The following CFAP20DC variants were observed in gnomAD, a reference collection of about 807,000 sequenced individuals.
CFAP20DC encodes CFAP20 domain containing.
A neutral mutation model predicts 101.7 loss-of-function variants in CFAP20DC; 84 were observed. That is an observed-to-expected ratio of 0.83 (90% CI 0.69 to 0.99). The LOEUF is 0.99. CFAP20DC is among the 50% of genes least tolerant of loss of function. The pLI, the probability that CFAP20DC is intolerant of heterozygous loss-of-function variation, is 0.00. For synonymous variants in CFAP20DC, 359 were observed against 351.2 expected, an observed-to-expected ratio of 1.02 and a Z score of -0.25; for missense variants, 1,007 against 970.3, an observed-to-expected ratio of 1.04 and a Z score of -0.50.
chr3:58,843,850 G>A (rs1235086453), intron 13 of CFAP20DC, among the ~76,000 whole-genome samples: 4 of 137,582 alleles, frequency 2.9e-5, no homozygotes, highest in East Asian at 2.1e-4. Flanking sequence ...GAGAGTGGGG[G>A]CCAATATTCA....
At chr3:58,758,926 C>A (rs1575566931) in intron 15 of CFAP20DC, among the ~76,000 whole-genome samples, 2 of 152,200 alleles carry the variant, frequency 1.3e-5, no homozygotes, top group South Asian at 2.1e-4. Flanking sequence ...TTTTCTTAAT[C>A]CAGTCTATCA....
chr3:58,842,305 C>T (rs887278034), intron 13 of CFAP20DC, among the ~76,000 whole-genome samples: 11 of 152,256 alleles, frequency 7.2e-5, no homozygotes, highest in African/African-American at 9.6e-5. Context: ...CCAGTGGGTG[C>T]GCGCACCGTG....
At chr3:58,968,888 G>A (rs2091768480) in intron 4 of CFAP20DC, among the ~76,000 whole-genome samples, 1 of 152,156 alleles carries the variant, frequency 6.6e-6, no homozygotes, top group Non-Finnish European at 1.5e-5. Flanking sequence ...TTCTGTATAT[G>A]GTGTAAGGAA....
chr3:58,835,734 A>C (rs985149606), intron 13 of CFAP20DC, among the ~76,000 whole-genome samples: 2 of 152,216 alleles, frequency 1.3e-5, no homozygotes, highest in African/African-American at 4.8e-5. Context: ...TAGTCCTGCG[A>C]AATGTTTTTG....
chr3:58,966,756 C>T (rs2091574149), intron 4 of CFAP20DC, among the ~76,000 whole-genome samples: 2 of 151,852 alleles, frequency 1.3e-5, no homozygotes, highest in Admixed American at 1.3e-4. Flanking sequence ...AACTTCTGAC[C>T]TCAGGTGATC....
In CFAP20DC at chr3:59,038,720, T is replaced by A. The variant is rs542050079; in HGVS notation, c.278+837A>T. 2.5e-4 allele frequency among the ~76,000 whole-genome samples: 38 copies of A among 152,264 alleles called. No individual in the cohort carries two copies. The East Asian group carries it at 6.6e-3, about 26-fold the overall frequency. On this transcript the variant is annotated intron_variant, in intron 4 of 16. Coordinates refer to ENST00000482387, the MANE Select transcript of CFAP20DC (RefSeq NM_001394063.1). ...TGGGGTGCCATGAACAAACCCCATA[T>A]AAGATGGTGAACTTGATTAATAAAT...
chr3:58,774,944 C>T (rs2071187168), intron 15 of CFAP20DC, among the ~76,000 whole-genome samples: 1 of 152,042 alleles, frequency 6.6e-6, no homozygotes, highest in African/African-American at 2.4e-5. Context: ...TCTTTTTGTT[C>T]TTAAAATTTA....
chr3:58,910,623 T>G (rs2084052154), intron 6 of CFAP20DC, among the ~76,000 whole-genome samples: 1 of 152,116 alleles, frequency 6.6e-6, no homozygotes, highest in South Asian at 2.1e-4. Context: ...ATGAGCTATC[T>G]CAATCTGAAA....
rs1348445190 is a variant in CFAP20DC at position 58,912,796 on chromosome 3, G to C, written c.550+912C>G. On this transcript the variant is annotated intron_variant, in intron 6 of 16. Transcript: ENST00000482387. This position sits in a 1 kb window ranked among gnomAD's most constrained non-coding sequence, Gnocchi z 4.4. The stretch of plus-strand genomic sequence containing the variant: ...TGAACAATTAATGTAAATATTTCTA[G>C]TCTCTCTAGAAATATGAGGAAGAAC... 9 of 448,426 alleles carry C rather than the reference G, an allele frequency of 2.0e-5. No homozygotes were observed. The highest frequency in any genetic ancestry group is 4.0e-5 in the Non-Finnish European group (9 of 224,860). The allele number at this position is 448,426 out of a possible 1,614,324, so 27.8% of individuals were successfully genotyped here.
At chr3:58,852,283 A>G (rs1189033275) in intron 12 of CFAP20DC, among the ~76,000 whole-genome samples, 10 of 152,230 alleles carry the variant, frequency 6.6e-5, no homozygotes, top group Non-Finnish European at 4.4e-5. Context: ...TAGTTAGAAG[A>G]GCTAACTATC....
Position 58,894,760 on chromosome 3 carries a change from T to C in CFAP20DC, c.551-10051A>G, listed in dbSNP as rs2082534688. Among the ~76,000 whole-genome samples the C allele has an allele frequency of 2.0e-5, 3 of 152,228 alleles. No homozygotes were observed. The highest frequency in any genetic ancestry group is 6.5e-5 in the Admixed American group (1 of 15,280). Reference sequence around the variant, plus strand: ...CCAATCCCACATTTCCCTTCTGCACTGCCCTAGCTGAGGTTCTCATGAGGG... The same window carrying C: ...CCAATCCCACATTTCCCTTCTGCACCGCCCTAGCTGAGGTTCTCATGAGGG... On this transcript the variant is annotated intron_variant, in intron 6 of 16. Transcript: ENST00000482387. The surrounding 1 kb of genome is among the most constrained non-coding windows in gnomAD (Gnocchi z 4.1).
intron 14 of CFAP20DC, among the ~76,000 whole-genome samples, chr3:58,820,245 C>T (rs1339121981): frequency 6.7e-6 from 1 of 149,478 alleles, no homozygotes; most frequent in Non-Finnish European, 1.5e-5. Flanking sequence ...GACAGGGATG[C>T]CCTCTCTCAC....
At chr3:58,997,389 T>A (rs996549739) in intron 4 of CFAP20DC, among the ~76,000 whole-genome samples, 3 of 152,206 alleles carry the variant, frequency 2.0e-5, no homozygotes, top group African/African-American at 7.2e-5. Context: ...TTCACTATAC[T>A]GCCTCCTTTG....
chr3:59,029,719 T>G (rs1260371909), intron 4 of CFAP20DC, among the ~76,000 whole-genome samples: 1 of 152,036 alleles, frequency 6.6e-6, no homozygotes, highest in Non-Finnish European at 1.5e-5. Context: ...GTCTGGAGAC[T>G]AGAATGAAAG....
At chr3:58,944,490 C>G (rs2089073697) in intron 4 of CFAP20DC, among the ~76,000 whole-genome samples, 1 of 152,170 alleles carries the variant, frequency 6.6e-6, no homozygotes, top group African/African-American at 2.4e-5. Context: ...ACTGCCATTT[C>G]TGTCATGCAA....
intron 3 of CFAP20DC, among the ~76,000 whole-genome samples, chr3:58,725,706 C>T (rs1487496912): frequency 3.3e-5 from 5 of 152,178 alleles, no homozygotes; most frequent in Admixed American, 3.3e-4. Flanking sequence ...AGGCAACACA[C>T]ACAGGTGCAG....
intron 15 of CFAP20DC, among the ~76,000 whole-genome samples, chr3:58,755,033 G>A (rs946671006): frequency 2.0e-5 from 3 of 152,086 alleles, no homozygotes; most frequent in African/African-American, 7.2e-5. Flanking sequence ...AGGTAGAAAT[G>A]GACTTTGTTG....
intron 13 of CFAP20DC, 79 bp from the exon 14 acceptor site, chr3:58,831,968 C>T: frequency 8.2e-7 from 1 of 1,215,630 alleles, no homozygotes; most frequent in Non-Finnish European, 1.2e-6. Context: ...AGCCTTAACC[C>T]CTACAGCAGC....
chr3:58,836,954 C>T (rs2076779053), intron 13 of CFAP20DC, among the ~76,000 whole-genome samples: 1 of 152,004 alleles, frequency 6.6e-6, no homozygotes, highest in Non-Finnish European at 1.5e-5. Flanking sequence ...AGGAGACGGT[C>T]CCTAAGAAGG....
Sources: gnomAD v4.1 joint callset for allele counts (sites outside exome capture counted in the v4.1 genomes callset) on GRCh38, gnomAD v4.1.1 for gene constraint, Gnocchi (gnomAD v3.1) non-coding constraint, MANE v1.5 for transcripts, NCBI Gene and HGNC (gene_info 2026-07-23, HGNC 2026-07-21) for gene names.